The following AFF3 variants were observed in gnomAD, a reference collection of about 807,000 sequenced individuals.
AFF3 encodes the protein ALF transcription elongation factor 3, also known as AF4/FMR2 family member 3.
AFF3 carries 32 observed loss-of-function variants against 129.7 expected under a neutral mutation model. The ratio of observed to expected loss-of-function variants is 0.25; its 90% CI spans 0.19 to 0.33. The LOEUF (loss-of-function observed/expected upper bound fraction) is 0.33. Ranked by LOEUF, AFF3 falls within the 10% of genes least tolerant of loss-of-function variation. The pLI, the probability that AFF3 is intolerant of heterozygous loss-of-function variation, is 1.00. For missense variants in AFF3, 1,373 were observed against 1,592.0 expected (o/e 0.86, Z 2.34); for synonymous variants, 644 against 635.4 (o/e 1.01, Z -0.20).
intron 13 of AFF3, among the ~76,000 whole-genome samples, chr2:99,625,990 A>G (rs1463268540): frequency 1.3e-5 from 2 of 152,228 alleles, no homozygotes; most frequent in Admixed American, 6.5e-5. Flanking sequence ...TTCTATAAAA[A>G]GAAATGTCCC....
chr2:99,991,818 GC>G (rs1285671689), intron 7 of AFF3, among the ~76,000 whole-genome samples: 1 of 151,986 alleles, frequency 6.6e-6, no homozygotes, highest in Admixed American at 6.6e-5. Context: ...CAGGAGAATT[GC>G]TTGAACCTGG....
intron 7 of AFF3, among the ~76,000 whole-genome samples, chr2:99,857,849 G>C (rs982713017): frequency 6.6e-6 from 1 of 152,130 alleles, no homozygotes; most frequent in African/African-American, 2.4e-5. Context: ...TGGAATTCAA[G>C]ATCTCATTAA....
chr2:100,129,705 ACTG>A (rs1246257397), intron 1 of AFF3, among the ~76,000 whole-genome samples: 5 of 152,236 alleles, frequency 3.3e-5, no homozygotes, highest in African/African-American at 1.2e-4. Flanking sequence ...GCTAATTTTT[ACTG>A]AGCGCTTAGC....
chr2:99,646,434 C>T (rs1050857568), intron 13 of AFF3, among the ~76,000 whole-genome samples: 2 of 152,086 alleles, frequency 1.3e-5, no homozygotes, highest in African/African-American at 4.8e-5. Flanking sequence ...GTGCTTCTCC[C>T]CCAAGAACAA....
chr2:100,135,780 T>C (rs1291016549), intron 1 of AFF3, among the ~76,000 whole-genome samples: 1 of 152,142 alleles, frequency 6.6e-6, no homozygotes, highest in Non-Finnish European at 1.5e-5. Flanking sequence ...TTATAAGAAT[T>C]CCTCCAGCTC....
At chr2:99,852,522 C>A (rs148626317) in intron 7 of AFF3, among the ~76,000 whole-genome samples, 1 of 152,130 alleles carries the variant, frequency 6.6e-6, no homozygotes, top group Non-Finnish European at 1.5e-5. Flanking sequence ...TAGAAAGTCA[C>A]TGATTAATAA....
chr2:99,627,919 A>G (rs185859397), intron 13 of AFF3, among the ~76,000 whole-genome samples: 52 of 128,796 alleles, frequency 4.0e-4, no homozygotes, highest in African/African-American at 1.5e-3. Context: ...CCATTGGTCT[A>G]TGTGTCTGTT....
chr2:99,874,537 G>A (rs1692139710), intron 7 of AFF3, among the ~76,000 whole-genome samples: 1 of 152,106 alleles, frequency 6.6e-6, no homozygotes, highest in South Asian at 2.1e-4. Flanking sequence ...ATACTAGGTT[G>A]AATTTTTAAA....
intron 11 of AFF3, among the ~76,000 whole-genome samples, chr2:99,691,829 G>T (rs1449720336): frequency 6.6e-6 from 1 of 152,206 alleles, no homozygotes. Context: ...TCAGGAGGAA[G>T]ACGAACTCCA....
intron 11 of AFF3, among the ~76,000 whole-genome samples, chr2:99,716,089 C>A (rs1002735417): frequency 6.6e-6 from 1 of 152,132 alleles, no homozygotes; most frequent in African/African-American, 2.4e-5. Flanking sequence ...TGACCCTTGA[C>A]TTGAGAGTGG....
At chr2:99,937,445 G>C (rs1674620110) in intron 7 of AFF3, among the ~76,000 whole-genome samples, 1 of 152,098 alleles carries the variant, frequency 6.6e-6, no homozygotes, top group Non-Finnish European at 1.5e-5. Context: ...TGTTGCCCAG[G>C]CTGGAGTGGA....
chr2:99,820,166 C>T (rs2105670142), intron 8 of AFF3, among the ~76,000 whole-genome samples: 1 of 152,252 alleles, frequency 6.6e-6, no homozygotes, highest in South Asian at 2.1e-4. Context: ...CGTCGTTGTG[C>T]AAGCATCATA....
At chr2:99,824,179 G>A (rs577208391) in intron 8 of AFF3, among the ~76,000 whole-genome samples, 9 of 151,554 alleles carry the variant, frequency 5.9e-5, no homozygotes, top group East Asian at 3.9e-4. Context: ...GCAGTGGTGC[G>A]ATCTCGGCTC....
At chr2:99,892,870 T>C (rs1693677207) in intron 7 of AFF3, among the ~76,000 whole-genome samples, 1 of 152,154 alleles carries the variant, frequency 6.6e-6, no homozygotes, top group African/African-American at 2.4e-5. Context: ...AATATAATTG[T>C]GGAGAATAAT....
chr2:100,024,709 C>T (rs985733779), intron 4 of AFF3, among the ~76,000 whole-genome samples: 2 of 151,876 alleles, frequency 1.3e-5, no homozygotes, highest in Non-Finnish European at 2.9e-5. Context: ...TATAGCACTT[C>T]GTACAATAGA....
intron 8 of AFF3, among the ~76,000 whole-genome samples, chr2:99,813,981 C>G (rs1266115963): frequency 1.3e-5 from 2 of 152,070 alleles, no homozygotes; most frequent in Non-Finnish European, 2.9e-5. Context: ...GCCAAATACT[C>G]AAAGAAGGGG....
intron 4 of AFF3, among the ~76,000 whole-genome samples, chr2:100,077,751 A>T (rs1467747333): frequency 1.3e-5 from 2 of 152,192 alleles, no homozygotes; most frequent in African/African-American, 2.4e-5. Flanking sequence ...TTCCATTATC[A>T]GAAACTAACC....
chr2:99,732,414 T>C (rs1162791845), intron 10 of AFF3, among the ~76,000 whole-genome samples: 1 of 151,788 alleles, frequency 6.6e-6, no homozygotes, highest in Admixed American at 6.6e-5. Context: ...TTTTTTTTTC[T>C]TTTTAACCGC....
chr2:99,887,047 T>C (rs1693162917), intron 7 of AFF3, among the ~76,000 whole-genome samples: 2 of 152,244 alleles, frequency 1.3e-5, no homozygotes, highest in South Asian at 2.1e-4. Flanking sequence ...CTCGCCTAGC[T>C]GAATTTATCA....
Sources: gnomAD v4.1 joint callset for allele counts (sites outside exome capture counted in the v4.1 genomes callset) on GRCh38, gnomAD v4.1.1 for gene constraint, MANE v1.5 for transcripts, NCBI Gene and HGNC (gene_info 2026-07-23, HGNC 2026-07-21) for gene names.